CDH18: variants seen among roughly 807,000 people sequenced by gnomAD.
CDH18 encodes the protein cadherin 18, also known as cadherin-18.
CDH18 carries 31 observed loss-of-function variants against 67.9 expected under a neutral mutation model. The observed-to-expected ratio is 0.46, with a 90% CI of 0.34 to 0.62. CDH18 has a LOEUF of 0.62. CDH18 is among the 20% of genes least tolerant of loss of function. CDH18 has a pLI of 0.01. For synonymous variants in CDH18, 362 were observed against 347.2 expected, an observed-to-expected ratio of 1.04 and a Z score of -0.48; for missense variants, 890 against 975.5, an observed-to-expected ratio of 0.91 and a Z score of 1.17.
intron 8 of CDH18, among the ~76,000 whole-genome samples, chr5:19,560,054 G>C (rs994252937): frequency 2.0e-5 from 3 of 151,952 alleles, no homozygotes; most frequent in African/African-American, 2.4e-5. Flanking sequence ...CTCATAGATG[G>C]AGTCAATCAA....
chr5:20,486,247 A>T (rs62355178), intron 1 of CDH18, among the ~76,000 whole-genome samples: 14,192 of 152,050 alleles, frequency 0.093, 1,033 homozygotes, highest in African/African-American at 0.21. Flanking sequence ...TATTGAAAAG[A>T]GTAAGCGATA....
chr5:19,989,559 T>C (rs978159682), upstream of CDH18, among the ~76,000 whole-genome samples: 4 of 152,238 alleles, frequency 2.6e-5, no homozygotes, highest in Non-Finnish European at 5.9e-5. Flanking sequence ...ATCTGTATCC[T>C]TGTACAAACT....
At chr5:19,705,432 T>C (rs7379173) in intron 5 of CDH18, among the ~76,000 whole-genome samples, 139,008 of 152,176 alleles carry the variant, frequency 0.91, 64,767 homozygotes, top group East Asian at 1. Flanking sequence ...ACCTATGCCA[T>C]GAGTAATCCA....
At chr5:19,824,127 C>T (rs768767809) in intron 3 of CDH18, among the ~76,000 whole-genome samples, 9 of 152,206 alleles carry the variant, frequency 5.9e-5, no homozygotes, top group East Asian at 1.9e-4. Flanking sequence ...GTTGAATTCA[C>T]GTTTGATGTA....
At chr5:20,439,119 A>G (rs1324365842) in intron 1 of CDH18, among the ~76,000 whole-genome samples, 1 of 151,074 alleles carries the variant, frequency 6.6e-6, no homozygotes, top group Admixed American at 6.6e-5. Flanking sequence ...AAATATGTAC[A>G]TATTTGATCT....
chr5:19,867,906 G>T (rs542929232), intron 2 of CDH18, among the ~76,000 whole-genome samples: 1 of 152,086 alleles, frequency 6.6e-6, no homozygotes, highest in Non-Finnish European at 1.5e-5. Flanking sequence ...AATCATGGAG[G>T]TGCTTACCCC....
chr5:19,577,323 T>C (rs1335083812), intron 7 of CDH18, among the ~76,000 whole-genome samples: 3 of 152,150 alleles, frequency 2.0e-5, no homozygotes, highest in African/African-American at 7.2e-5. Flanking sequence ...TAAATATATA[T>C]AATTATTTTC....
At chr5:19,954,870 T>C (rs1647325306) in intron 2 of CDH18, among the ~76,000 whole-genome samples, 1 of 151,488 alleles carries the variant, frequency 6.6e-6, no homozygotes, top group Non-Finnish European at 1.5e-5. Flanking sequence ...AAAAGAGTTA[T>C]TGGGACTGAA....
At chr5:20,468,168 A>C (rs1751791688) in intron 1 of CDH18, among the ~76,000 whole-genome samples, 1 of 151,824 alleles carries the variant, frequency 6.6e-6, no homozygotes, top group African/African-American at 2.4e-5. Context: ...GTGCCCACTA[A>C]GACGTCCAGC....
chr5:20,142,828 G>C (rs1209597614), intron 2 of CDH18, among the ~76,000 whole-genome samples: 2 of 152,112 alleles, frequency 1.3e-5, no homozygotes, highest in Admixed American at 6.6e-5. Context: ...CCAATATCTT[G>C]ATCATGGACT....
intron 2 of CDH18, among the ~76,000 whole-genome samples, chr5:20,244,987 T>G (rs2126567711): frequency 6.6e-6 from 1 of 152,212 alleles, no homozygotes; most frequent in Non-Finnish European, 1.5e-5. Context: ...CCTCCAAACT[T>G]AAAAATCTTA....
At chr5:20,359,164 C>T (rs1420432748) in intron 1 of CDH18, among the ~76,000 whole-genome samples, 1 of 152,018 alleles carries the variant, frequency 6.6e-6, no homozygotes, top group Non-Finnish European at 1.5e-5. Context: ...CTCGGGACCT[C>T]AGGTGATCCA....
chr5:19,832,551 A>G lies in CDH18; in HGVS notation c.228+6208T>C, dbSNP rs573104217. On this transcript the variant is annotated intron_variant, in intron 3 of 12. Coordinates refer to ENST00000382275, the MANE Select transcript of CDH18 (RefSeq NM_004934.5). ...TGATCACAATAATTCTACTTTTTAT[A>G]CAAGACTGCTATGAAATTTCTTTTG... 3.3e-5 allele frequency among the ~76,000 whole-genome samples: 5 copies of G among 151,868 alleles called. No homozygotes were observed. The East Asian group carries it at 9.7e-4, about 29-fold the overall frequency.
intron 3 of CDH18, among the ~76,000 whole-genome samples, chr5:19,801,808 T>C (rs1302627232): frequency 6.6e-6 from 1 of 152,182 alleles, no homozygotes; most frequent in Admixed American, 6.5e-5. Flanking sequence ...GAAAGAGCTT[T>C]TGGTCTCCCA....
chr5:19,622,480 CA>C (rs1750868791), intron 5 of CDH18, among the ~76,000 whole-genome samples: 1 of 152,124 alleles, frequency 6.6e-6, no homozygotes, highest in Non-Finnish European at 1.5e-5. Flanking sequence ...ACAATAGTCC[CA>C]TCAGTCATCT....
At chr5:20,086,966 C>T (rs894461221) in intron 2 of CDH18, among the ~76,000 whole-genome samples, 11 of 152,144 alleles carry the variant, frequency 7.2e-5, no homozygotes, top group Non-Finnish European at 1.3e-4. Flanking sequence ...GCCATAAATA[C>T]TGATTTGTCT....
At chr5:19,881,612 G>A (rs764390398) in intron 2 of CDH18, among the ~76,000 whole-genome samples, 5 of 150,960 alleles carry the variant, frequency 3.3e-5, no homozygotes, top group African/African-American at 7.3e-5. Context: ...GGGTTCAAGC[G>A]ATTCTCCTGC....
At chr5:19,518,987 G>A (rs900505664) in intron 10 of CDH18, among the ~76,000 whole-genome samples, 2 of 152,142 alleles carry the variant, frequency 1.3e-5, no homozygotes, top group Non-Finnish European at 2.9e-5. Flanking sequence ...TTACAAGACA[G>A]CCAACTGGTC....
intron 2 of CDH18, among the ~76,000 whole-genome samples, chr5:19,950,545 T>G (rs1433809216): frequency 6.6e-6 from 1 of 151,994 alleles, no homozygotes. Flanking sequence ...ATAAAGAAAA[T>G]ATTTTAAAAA....
Sources: gnomAD v4.1 joint callset for allele counts (sites outside exome capture counted in the v4.1 genomes callset) on GRCh38, gnomAD v4.1.1 for gene constraint, MANE v1.5 for transcripts, NCBI Gene and HGNC (gene_info 2026-07-23, HGNC 2026-07-21) for gene names.